Variants in PKHD1 observed in about 807,000 individuals in gnomAD.
PKHD1 encodes the protein fibrocystin.
PKHD1 carries 291 observed loss-of-function variants against 412.0 expected under a neutral mutation model. The ratio of observed to expected loss-of-function variants is 0.71; its 90% confidence interval spans 0.64 to 0.78. The LOEUF (loss-of-function observed/expected upper bound fraction) is 0.78, where lower values mean the gene tolerates loss of function less well. Among genes scored for constraint, PKHD1 ranks in the 30% least tolerant of loss-of-function variants. The pLI, the probability that PKHD1 is intolerant of heterozygous loss-of-function variation, is 0.00. For synonymous variants in PKHD1, 1,777 were observed against 1,821.5 expected (o/e 0.98, Z 0.62); for missense variants, 4,825 against 4,950.7 (o/e 0.97, Z 0.76).
chr6:51,760,491 A>G (rs1381480359), intron 55 of PKHD1, among the ~76,000 whole-genome samples: 1 of 152,146 alleles, frequency 6.6e-6, no homozygotes, highest in African/African-American at 2.4e-5. Flanking sequence ...AGTCGGAGAT[A>G]CCTAAAGTCC....
At chr6:51,790,771 A>T (rs2151257506) in intron 53 of PKHD1, among the ~76,000 whole-genome samples, 1 of 152,318 alleles carries the variant, frequency 6.6e-6, no homozygotes, top group South Asian at 2.1e-4. Context: ...TATTTGTCCC[A>T]GTAAAGTGCT....
intron 60 of PKHD1, among the ~76,000 whole-genome samples, chr6:51,731,503 C>T (rs1783232694): frequency 6.6e-6 from 1 of 152,128 alleles, no homozygotes; most frequent in African/African-American, 2.4e-5. Flanking sequence ...ATACCTCCTG[C>T]AAATGGCAGG....
At chr6:51,623,075 C>T (rs924233483) in intron 66 of PKHD1, among the ~76,000 whole-genome samples, 1 of 152,058 alleles carries the variant, frequency 6.6e-6, no homozygotes, top group Non-Finnish European at 1.5e-5. Context: ...TTTCCACTAT[C>T]ATAAAATCTA....
intron 52 of PKHD1, among the ~76,000 whole-genome samples, chr6:51,808,104 A>G (rs558358167): frequency 6.6e-6 from 1 of 152,336 alleles, no homozygotes; most frequent in African/African-American, 2.4e-5. Flanking sequence ...TACTTTTTGT[A>G]CTAATATGGA....
At position 52,056,947 on chromosome 6, in the gene PKHD1, G is replaced by T; in HGVS notation, c.1545C>A (p.Phe515Leu). 1 of 1,613,922 alleles carries T rather than the reference G, an allele frequency of 6.2e-7. No homozygotes were observed. The highest frequency in any genetic ancestry group is 8.5e-7 in the Non-Finnish European group (1 of 1,179,820). ...GACTAGAGACATTGTCCCAAGTAAG[G>T]AAGAAGTTTCCTCTGCCTGATACAT... ...VLNVSGRGNF[F>L]LTWDNVSSQP... The change falls in exon 17 of 67, where the codon TTC becomes TTA. Residue 515 changes from phenylalanine (F) to leucine (L), a missense_variant. By Grantham distance (22) the Phe-to-Leu change is conservative. Transcript: ENST00000371117.
intron 65 of PKHD1, among the ~76,000 whole-genome samples, chr6:51,628,271 CTT>C (rs1480541024): frequency 6.6e-6 from 1 of 152,138 alleles, no homozygotes; most frequent in Non-Finnish European, 1.5e-5. Flanking sequence ...TTGTTCCTCT[CTT>C]TGTGTCCATG....
At chr6:51,826,688 C>G (rs756612758) in intron 52 of PKHD1, among the ~76,000 whole-genome samples, 1 of 152,088 alleles carries the variant, frequency 6.6e-6, no homozygotes, top group Non-Finnish European at 1.5e-5. Flanking sequence ...TTATCACGAA[C>G]TTAAACTACA....
In PKHD1 at chr6:51,666,186, G is replaced by T. The variant is rs371474302; in HGVS notation, c.10157-6217C>A. Among the ~76,000 whole-genome samples, 4 of 152,116 alleles carry T rather than the reference G, an allele frequency of 2.6e-5. No individual in the cohort carries two copies. In the East Asian group the frequency reaches 5.8e-4, roughly 22 times the overall value. The stretch of plus-strand genomic sequence containing the variant: ...ACCATTCCATAAAAGTAGGTACAAA[G>T]ATATCAATTCAAAATTTGGAGTGGG... On this transcript the variant is annotated intron_variant, in intron 60 of 66. Transcript: ENST00000371117.
chr6:51,769,136 C>G (rs895934602), intron 55 of PKHD1, among the ~76,000 whole-genome samples: 7 of 151,108 alleles, frequency 4.6e-5, no homozygotes, highest in Non-Finnish European at 7.4e-5. Flanking sequence ...TCTCAGTTTT[C>G]TTTTTTGAGT....
At chr6:51,728,532 G>C (rs1782860961) in intron 60 of PKHD1, among the ~76,000 whole-genome samples, 1 of 152,144 alleles carries the variant, frequency 6.6e-6, no homozygotes, top group Non-Finnish European at 1.5e-5. Flanking sequence ...TGAGCAGCCG[G>C]ACTCTTTGGC....
rs549210324 is a variant in PKHD1 at position 51,896,074 on chromosome 6, G to A, written c.6996+7523C>T. Among the ~76,000 whole-genome samples, 14 of 152,290 alleles carry A rather than the reference G, an allele frequency of 9.2e-5. No homozygotes were observed. The South Asian group carries it at 1.5e-3, about 16-fold the overall frequency. On this transcript the variant is annotated intron_variant, in intron 43 of 66. Coordinates refer to ENST00000371117, the MANE Select transcript of PKHD1 (RefSeq NM_138694.4). ...GCAGTCTGAGATCAAACTGCAAGTC[G>A]GTAGCCAGGCTGGAGGAGGGGCGCC...
chr6:51,897,492 C>T lies in PKHD1; in HGVS notation c.6996+6105G>A, dbSNP rs1404488770. Among the ~76,000 whole-genome samples the T allele has an allele frequency of 2.7e-5, 4 of 149,828 alleles. No homozygotes were observed. In the East Asian group the frequency reaches 6.0e-4, roughly 22 times the overall value. On this transcript the variant is annotated intron_variant, in intron 43 of 66. Coordinates refer to ENST00000371117, the MANE Select transcript of PKHD1 (RefSeq NM_138694.4). Reference sequence around the variant, plus strand: ...AGATTTTGTCACCACCAGGCCTGCCCTAAAAGAGCTCCTGAAGGAAGCACT... The same window carrying T: ...AGATTTTGTCACCACCAGGCCTGCCTTAAAAGAGCTCCTGAAGGAAGCACT...
intron 49 of PKHD1, 94 bp from the exon 50 acceptor site, chr6:51,848,064 G>A: frequency 1.2e-6 from 1 of 821,952 alleles, no homozygotes; most frequent in Non-Finnish European, 2.1e-6. Flanking sequence ...AACAACTACA[G>A]AGAACGCAGA....
chr6:51,706,124 T>C (rs1779988485), intron 60 of PKHD1, among the ~76,000 whole-genome samples: 1 of 152,150 alleles, frequency 6.6e-6, no homozygotes, highest in Non-Finnish European at 1.5e-5. Context: ...AATCAAAGCC[T>C]GATAATGATT....
chr6:51,951,574 T>G (rs1024058296), intron 36 of PKHD1, among the ~76,000 whole-genome samples: 1 of 152,174 alleles, frequency 6.6e-6, no homozygotes, highest in African/African-American at 2.4e-5. Flanking sequence ...AGCATAATAG[T>G]ATTGGAAATA....
At chr6:51,646,697 C>G (rs959998801) in intron 63 of PKHD1, among the ~76,000 whole-genome samples, 2 of 152,186 alleles carry the variant, frequency 1.3e-5, no homozygotes, top group African/African-American at 4.8e-5. Flanking sequence ...CCCAATATAA[C>G]AAGATCAAAA....
intron 63 of PKHD1, among the ~76,000 whole-genome samples, 176 bp from the exon 64 acceptor site, chr6:51,639,132 C>T (rs1045210783): frequency 1.3e-5 from 2 of 152,150 alleles, no homozygotes; most frequent in East Asian, 1.9e-4. Flanking sequence ...TGACCCAAGA[C>T]AGAATAACAG....
Position 51,638,829 on chromosome 6 carries a change from AGC to A in PKHD1, c.11506+18_11506+19del, listed in dbSNP as rs1581782466. ...AAAAAAAAAAAAAACACAGAATAAAAGCACACTGTATAAAATTACCTGGAGGA... is the reference window on the plus strand; with the variant it reads ...AAAAAAAAAAAAAACACAGAATAAAAACACTGTATAAAATTACCTGGAGGA... On this transcript the variant is annotated intron_variant, in intron 64 of 66. Transcript: ENST00000371117. 2.1e-6 allele frequency: 3 copies of A among 1,448,322 alleles called. No homozygotes were observed. Among genetic ancestry groups the A allele is most frequent in the Non-Finnish European group, 2.9e-6 (3 of 1,029,100 alleles). The allele number at this position is 1,448,322 out of a possible 1,614,324, so 89.7% of individuals were successfully genotyped here.
intron 13 of PKHD1, 82 bp from the exon 14 acceptor site, chr6:52,062,742 G>A (rs1346998245): frequency 3.2e-6 from 5 of 1,553,252 alleles, no homozygotes; most frequent in Admixed American, 1.7e-5. Context: ...ATTACAAGGT[G>A]AAAGATGACC....
Sources: gnomAD v4.1 joint callset for allele counts (sites outside exome capture counted in the v4.1 genomes callset) on GRCh38, gnomAD v4.1.1 for gene constraint, MANE v1.5 for transcripts, NCBI Gene and HGNC (gene_info 2026-07-23, HGNC 2026-07-21) for gene names.